The following CNTNAP2 variants were observed in gnomAD, a reference collection of about 807,000 sequenced individuals.
The protein encoded by CNTNAP2 is contactin-associated protein-like 2.
Under a neutral mutation model 155.2 loss-of-function variants are expected in CNTNAP2, and 98 were observed. The observed-to-expected ratio is 0.63, with a 90% CI of 0.54 to 0.75. The LOEUF is 0.75. CNTNAP2 is among the 30% of genes least tolerant of loss of function. The pLI, the probability that CNTNAP2 is intolerant of heterozygous loss-of-function variation, is 0.00. For missense variants in CNTNAP2, 1,727 were observed against 1,688.1 expected (o/e 1.02, Z -0.40); for synonymous variants, 651 against 631.2 (o/e 1.03, Z -0.47).
At chr7:146,444,079 T>C (rs1347008576) in intron 1 of CNTNAP2, among the ~76,000 whole-genome samples, 1 of 152,170 alleles carries the variant, frequency 6.6e-6, no homozygotes, top group Non-Finnish European at 1.5e-5. Flanking sequence ...GTTGCCCAGG[T>C]TGTAGTGCAG....
At chr7:147,165,590 GTTATC>G (rs1035868389) in intron 8 of CNTNAP2, among the ~76,000 whole-genome samples, 23 of 152,234 alleles carry the variant, frequency 1.5e-4, no homozygotes, top group African/African-American at 5.0e-4. Context: ...TTTTTCTGAT[GTTATC>G]TTATAGAATT....
At chr7:146,591,283 A>G (rs1798778257) in intron 1 of CNTNAP2, among the ~76,000 whole-genome samples, 1 of 152,182 alleles carries the variant, frequency 6.6e-6, no homozygotes, top group Non-Finnish European at 1.5e-5. Context: ...TGTCCCAAGC[A>G]TTTCGGATGA....
At chr7:148,241,776 T>A (rs1023741513) in intron 20 of CNTNAP2, among the ~76,000 whole-genome samples, 1 of 152,258 alleles carries the variant, frequency 6.6e-6, no homozygotes, top group Non-Finnish European at 1.5e-5. Flanking sequence ...AAAAGACTCA[T>A]AATGAATATG....
At chr7:148,214,172 A>C (rs550618722) in intron 18 of CNTNAP2, among the ~76,000 whole-genome samples, 2 of 152,240 alleles carry the variant, frequency 1.3e-5, no homozygotes, top group African/African-American at 4.8e-5. Flanking sequence ...ACCCCTCTGC[A>C]TTCTAATAAT....
chr7:146,378,427 C>A (rs1795335136), intron 1 of CNTNAP2, among the ~76,000 whole-genome samples: 1 of 152,098 alleles, frequency 6.6e-6, no homozygotes, highest in Non-Finnish European at 1.5e-5. Flanking sequence ...ACAATGACGA[C>A]AACAAACCTA....
intron 13 of CNTNAP2, among the ~76,000 whole-genome samples, chr7:147,888,445 T>C (rs1799633989): frequency 2.6e-5 from 4 of 151,892 alleles, no homozygotes; most frequent in Non-Finnish European, 5.9e-5. Flanking sequence ...AAATAAAATA[T>C]TAAAAGCAAG....
At chr7:147,481,367 A>G (rs965200759) in intron 10 of CNTNAP2, among the ~76,000 whole-genome samples, 2 of 152,214 alleles carry the variant, frequency 1.3e-5, no homozygotes, top group African/African-American at 2.4e-5. Flanking sequence ...AGCTTCTTCT[A>G]TTTGTGATTC....
In CNTNAP2 at chr7:146,721,875, G is replaced by GTGTGTGTATGTATATATATA. The variant is rs1332551916; in HGVS notation, c.98-52395_98-52394insGTGTGTATGTATATATATAT. 3.8e-4 allele frequency among the ~76,000 whole-genome samples: 29 copies of GTGTGTGTATGTATATATATA among 76,648 alleles called. No individual in the cohort carries two copies. The East Asian group carries it at 4.3e-3, about 11-fold the overall frequency. 50.3% of individuals were successfully genotyped at this position (76,648 alleles called of 152,430 possible). ...TACATTTATATGTGTGTGTGTGTGT[G>GTGTGTGTATGTATATATATA]TATATATATATATATTTTTTTTTTT... On this transcript the variant is annotated intron_variant, in intron 1 of 23. Transcript: ENST00000361727.
chr7:147,392,834 C>T (rs928976329), intron 9 of CNTNAP2, among the ~76,000 whole-genome samples: 4 of 151,978 alleles, frequency 2.6e-5, no homozygotes, highest in African/African-American at 9.7e-5. Flanking sequence ...GGTATATATA[C>T]AATGGAATAC....
At chr7:146,628,930 C>T (rs371987619) in intron 1 of CNTNAP2, among the ~76,000 whole-genome samples, 12 of 152,098 alleles carry the variant, frequency 7.9e-5, no homozygotes, top group African/African-American at 2.9e-4. Flanking sequence ...CTCTATATAA[C>T]TTATTGTAAA....
chr7:146,160,685 G>C (rs572159008), intron 1 of CNTNAP2, among the ~76,000 whole-genome samples: 1 of 152,188 alleles, frequency 6.6e-6, no homozygotes, highest in South Asian at 2.1e-4. Flanking sequence ...ACCAATAACA[G>C]GTTCTGAAAT....
intron 9 of CNTNAP2, among the ~76,000 whole-genome samples, chr7:147,345,528 T>C (rs1221330004): frequency 2.0e-5 from 3 of 152,216 alleles, no homozygotes; most frequent in African/African-American, 7.2e-5. Context: ...GAATGTTAAG[T>C]TTATGTATTC....
At chr7:148,391,521 A>G (rs1474770630) in intron 22 of CNTNAP2, among the ~76,000 whole-genome samples, 1 of 137,500 alleles carries the variant, frequency 7.3e-6, no homozygotes, top group Non-Finnish European at 1.5e-5. Context: ...CTTTGATAAT[A>G]AGTACAGCCT....
chr7:146,132,777 G>A (rs1314723887), intron 1 of CNTNAP2, among the ~76,000 whole-genome samples: 1 of 150,712 alleles, frequency 6.6e-6, no homozygotes, highest in Non-Finnish European at 1.5e-5. Flanking sequence ...ATTCCATGGT[G>A]TATATGTGCC....
intron 13 of CNTNAP2, among the ~76,000 whole-genome samples, chr7:147,897,722 T>TAAC (rs1799799446): frequency 1.3e-5 from 2 of 152,170 alleles, no homozygotes; most frequent in African/African-American, 4.8e-5. Flanking sequence ...CAAATGACCT[T>TAAC]AACATTTCTT....
chr7:146,373,773 T>A lies in CNTNAP2; in HGVS notation c.97+256800T>A, dbSNP rs148023257. On this transcript the variant is annotated intron_variant, in intron 1 of 23. Coordinates refer to ENST00000361727, the MANE Select transcript of CNTNAP2 (RefSeq NM_014141.6). ...ATTGAGAAATTTTATAGAATTGGGGTACATACGGAAGATCCACAATGGCTT... is the reference window on the plus strand; with the variant it reads ...ATTGAGAAATTTTATAGAATTGGGGAACATACGGAAGATCCACAATGGCTT... Among the ~76,000 whole-genome samples the A allele has an allele frequency of 9.6e-3, 1,468 of 152,192 alleles. 24 individuals carry two copies. Among genetic ancestry groups the A allele is most frequent in the African/African-American group, 0.033 (1,351 of 41,518 alleles).
At chr7:146,345,675 T>C (rs1794809211) in intron 1 of CNTNAP2, among the ~76,000 whole-genome samples, 1 of 152,190 alleles carries the variant, frequency 6.6e-6, no homozygotes, top group African/African-American at 2.4e-5. Flanking sequence ...CAATATGCAA[T>C]TTTAAACATC....
intron 1 of CNTNAP2, among the ~76,000 whole-genome samples, chr7:146,648,448 A>G (rs919345392): frequency 7.9e-5 from 12 of 152,184 alleles, no homozygotes; most frequent in African/African-American, 2.4e-4. Context: ...CTGCAAAGCA[A>G]AAAGTCTACA....
chr7:147,024,919 C>T (rs910950781), intron 3 of CNTNAP2, among the ~76,000 whole-genome samples: 1 of 152,022 alleles, frequency 6.6e-6, no homozygotes, highest in African/African-American at 2.4e-5. Flanking sequence ...AGGTGCCCCA[C>T]ACTTTAAACA....
Sources: gnomAD v4.1 joint callset for allele counts (sites outside exome capture counted in the v4.1 genomes callset) on GRCh38, gnomAD v4.1.1 for gene constraint, MANE v1.5 for transcripts, NCBI Gene and HGNC (gene_info 2026-07-23, HGNC 2026-07-21) for gene names.